Variants in SEMA3B observed in about 807,000 individuals in gnomAD.
SEMA3B encodes the protein semaphorin-3B.
In SEMA3B, 71 loss-of-function variants were observed where a neutral mutation model predicts 77.8. That is an observed-to-expected ratio of 0.91 (90% confidence interval 0.75 to 1.11). The LOEUF is 1.11. Among genes scored for constraint, SEMA3B ranks in the 50% most tolerant of loss-of-function variants. The pLI is 0.00. For synonymous variants in SEMA3B, 470 were observed against 452.9 expected (o/e 1.04, Z -0.48); for missense variants, 968 against 1,056.8 (o/e 0.92, Z 1.17).
At position 50,270,675 on chromosome 3, in the gene SEMA3B, C is replaced by T; in HGVS notation, c.330+180C>T. On this transcript the variant is annotated intron_variant, in intron 3 of 16. Transcript: ENST00000616701. This position sits in a 1 kb window ranked among gnomAD's most constrained non-coding sequence, Gnocchi z 4.7. ...CTCGTGTAATTCTTCTGGGGTGCCTCTGAGTCATGGGAGGCTTTGCAGGCC... is the reference window on the plus strand; with the variant it reads ...CTCGTGTAATTCTTCTGGGGTGCCTTTGAGTCATGGGAGGCTTTGCAGGCC... The T allele has an allele frequency of 1.7e-6, 2 of 1,154,640 alleles. No homozygotes were observed. The highest frequency in any genetic ancestry group is 2.4e-6 in the Non-Finnish European group (2 of 828,384). The allele number at this position is 1,154,640 out of a possible 1,614,324, so 71.5% of individuals were successfully genotyped here.
At position 50,276,088 on chromosome 3, in the gene SEMA3B, C is replaced by A. The variant is rs1445498792; in HGVS notation, c.1846-214C>A. On this transcript the variant is annotated intron_variant, in intron 16 of 16. Transcript: ENST00000616701. The surrounding 1 kb of genome is among the most constrained non-coding windows in gnomAD (Gnocchi z 5.8). ...CCTCCCATTAAGGTCCCTGACCACC[C>A]CCCACCAAGTTCATGTAAACCCCGC... is the stretch of plus-strand genomic sequence containing the variant. The A allele has an allele frequency of 2.5e-6, 2 of 787,244 alleles. No individual in the cohort carries two copies. The highest frequency in any genetic ancestry group is 1.9e-6 in the Non-Finnish European group (1 of 516,922). 48.8% of individuals were successfully genotyped at this position (787,244 alleles called of 1,614,324 possible). A position where few individuals can be genotyped will look rare whatever the true frequency, so the allele number is the denominator to read the frequency against.
chr3:50,275,172 G>A lies in SEMA3B; in HGVS notation c.1491+119G>A. 6.8e-7 allele frequency: 1 copy of A among 1,462,082 alleles called. No individual in the cohort carries two copies. The highest frequency in any genetic ancestry group is 9.1e-7 in the Non-Finnish European group (1 of 1,100,540). The allele number at this position is 1,462,082 out of a possible 1,614,324, so 90.6% of individuals were successfully genotyped here. Reference sequence around the variant, plus strand: ...GGGTTTGAGTACAGGCTCTGGCTTTGTTAGACTGTGTGACCTGAGGCGTAA... The same window carrying A: ...GGGTTTGAGTACAGGCTCTGGCTTTATTAGACTGTGTGACCTGAGGCGTAA... On this transcript the variant is annotated intron_variant, in intron 13 of 16. Transcript: ENST00000616701. The surrounding 1 kb of genome is among the most constrained non-coding windows in gnomAD (Gnocchi z 7.5).
At chr3:50,271,578 A>C in intron 6 of SEMA3B, 98 bp downstream of exon 6, 1 of 1,500,974 alleles carries the variant, frequency 6.7e-7, no homozygotes, top group South Asian at 1.3e-5. Flanking sequence ...GGGTGTGGCC[A>C]GGTCTTACCA....
rs1272503491 is a variant in SEMA3B, at chr3:50,270,222, G to A, written c.205G>A (p.Val69Met). ...GGATGAGGAGCGTGGACGCCTGTTT[G>A]TGGGTGCCGAGAACCATGTGGCCTC... ...LVDEERGRLF[V>M]GAENHVASLN... The change falls in exon 2 of 17, where the codon GTG (valine) becomes ATG (methionine). Residue 69 changes from valine to methionine, a missense_variant. By Grantham distance (21) the Val-to-Met change is conservative. Coordinates refer to ENST00000616701, the MANE Select transcript of SEMA3B (RefSeq NM_001290060.2). The surrounding 1 kb of genome is among the most constrained non-coding windows in gnomAD (Gnocchi z 4.7). The A allele has an allele frequency of 2.5e-6, 4 of 1,611,738 alleles. No homozygotes were observed. The highest frequency in any genetic ancestry group is 3.4e-6 in the Non-Finnish European group (4 of 1,179,308).
At position 50,269,496 on chromosome 3, in the gene SEMA3B, C is replaced by G. The variant is rs1700986326; in HGVS notation, c.109+147C>G. Reference sequence around the variant, plus strand: ...GGATTAGTGGGCACTCTCAGGCCACCTCCAGTTAACCCTGTCCGGGCCTCA... The same window carrying G: ...GGATTAGTGGGCACTCTCAGGCCACGTCCAGTTAACCCTGTCCGGGCCTCA... On this transcript the variant is annotated intron_variant, in intron 1 of 16. Transcript: ENST00000616701. The surrounding 1 kb of genome is among the most constrained non-coding windows in gnomAD (Gnocchi z 4.0). 1 of 594,128 alleles carries G rather than the reference C, an allele frequency of 1.7e-6. No homozygotes were observed. Among genetic ancestry groups the G allele is most frequent in the Non-Finnish European group, 3.0e-6 (1 of 338,476 alleles). The allele number at this position is 594,128 out of a possible 1,614,324, so 36.8% of individuals were successfully genotyped here.
In SEMA3B at chr3:50,269,961, C is replaced by T. The variant is rs1701000514; in HGVS notation, c.110-166C>T. 6.6e-6 allele frequency among the ~76,000 whole-genome samples: 1 copy of T among 152,196 alleles called. No individual in the cohort carries two copies. The highest frequency in any genetic ancestry group is 1.5e-5 in the Non-Finnish European group (1 of 68,038). On this transcript the variant is annotated intron_variant, in intron 1 of 16. Coordinates refer to ENST00000616701, the MANE Select transcript of SEMA3B (RefSeq NM_001290060.2). This position sits in a 1 kb window ranked among gnomAD's most constrained non-coding sequence, Gnocchi z 4.0. ...CTACCCTGGCAGCTCCACACGTGCA[C>T]CTGGGTGGGCTTGGGTTTGCGTGTG...
Position 50,275,147 on chromosome 3 carries a change from G to A in SEMA3B, c.1491+94G>A. 2 of 1,483,786 alleles carry A rather than the reference G, an allele frequency of 1.3e-6. No individual in the cohort carries two copies. The highest frequency in any genetic ancestry group is 1.8e-6 in the Non-Finnish European group (2 of 1,112,934). 91.9% of individuals were successfully genotyped at this position (1,483,786 alleles called of 1,614,324 possible). ...GCCCCTTTTGGTAGTTTGCAGTCCCGGGTTTGAGTACAGGCTCTGGCTTTG... is the reference window on the plus strand; with the variant it reads ...GCCCCTTTTGGTAGTTTGCAGTCCCAGGTTTGAGTACAGGCTCTGGCTTTG... On this transcript the variant is annotated intron_variant, in intron 13 of 16. Coordinates refer to ENST00000616701, the MANE Select transcript of SEMA3B (RefSeq NM_001290060.2). The surrounding 1 kb of genome is among the most constrained non-coding windows in gnomAD (Gnocchi z 7.5).
upstream of SEMA3B, among the ~76,000 whole-genome samples, chr3:50,267,936 C>T (rs1312129479): frequency 6.6e-6 from 1 of 152,172 alleles, no homozygotes; most frequent in Non-Finnish European, 1.5e-5. The surrounding 1 kb of genome is among the most constrained non-coding windows in gnomAD (Gnocchi z 5.7). Context: ...CTGTGTCCAG[C>T]ACCTGCCCAG....
chr3:50,269,997 C>A lies in SEMA3B; in HGVS notation c.110-130C>A. 1 of 1,005,136 alleles carries A rather than the reference C, an allele frequency of 9.9e-7. No homozygotes were observed. The highest frequency in any genetic ancestry group is 1.4e-6 in the Non-Finnish European group (1 of 720,044). 62.3% of individuals were successfully genotyped at this position (1,005,136 alleles called of 1,614,324 possible). On this transcript the variant is annotated intron_variant, in intron 1 of 16. Coordinates refer to ENST00000616701, the MANE Select transcript of SEMA3B (RefSeq NM_001290060.2). The surrounding 1 kb of genome is among the most constrained non-coding windows in gnomAD (Gnocchi z 4.0). ...TTGGGTTTGCGTGTGTAAACTCACA[C>A]ACATGTAAACTCACATGTGTACAGG...
chr3:50,262,158 G>C, the SEMA3B span: 1 of 152,200 alleles, frequency 6.6e-6, no homozygotes, highest in Non-Finnish European at 1.5e-5. Flanking sequence ...AGCTGGGCAT[G>C]ATGACGGGTG....
chr3:50,264,960 A>C (rs2109229305), upstream of SEMA3B, among the ~76,000 whole-genome samples: 1 of 152,110 alleles, frequency 6.6e-6, no homozygotes, highest in East Asian at 1.9e-4. Context: ...CCACAGCCAA[A>C]GGCCCAGGGT....
upstream of SEMA3B, among the ~76,000 whole-genome samples, chr3:50,265,266 C>T (rs954538248): frequency 1.2e-4 from 19 of 152,200 alleles, no homozygotes; most frequent in Non-Finnish European, 2.5e-4. Flanking sequence ...CTGGTACCTA[C>T]GTGGCCAGAA....
rs1234788833 is a variant in SEMA3B at position 50,270,371 on chromosome 3, C to T, written c.268-62C>T. The T allele has an allele frequency of 3.1e-6, 5 of 1,610,636 alleles. No homozygotes were observed. Among genetic ancestry groups the T allele is most frequent in the Non-Finnish European group, 4.2e-6 (5 of 1,177,380 alleles). ...CTGGAGAGACCCAGAGGAATGGCTC[C>T]CTGAGGTAGAGAATATCCCAAGTTC... On this transcript the variant is annotated intron_variant, in intron 2 of 16. Coordinates refer to ENST00000616701, the MANE Select transcript of SEMA3B (RefSeq NM_001290060.2). The surrounding 1 kb of genome is among the most constrained non-coding windows in gnomAD (Gnocchi z 4.7).
At position 50,273,720 on chromosome 3, in the gene SEMA3B, G is replaced by A. The variant is rs142858540; in HGVS notation, c.923-39G>A. ...ACTCCGGGAGCCCCCGCCGCAGCGG[G>A]GCTGTGCGCCCTACCCCAGCTAGGC... On this transcript the variant is annotated intron_variant, in intron 8 of 16. Coordinates refer to ENST00000616701, the MANE Select transcript of SEMA3B (RefSeq NM_001290060.2). This position sits in a 1 kb window ranked among gnomAD's most constrained non-coding sequence, Gnocchi z 6.5. 479 of 1,604,332 alleles carry A rather than the reference G, an allele frequency of 3.0e-4. No homozygotes were observed. The highest frequency in any genetic ancestry group is 4.0e-4 in the Non-Finnish European group (471 of 1,178,824).
rs1553705791 is a variant in SEMA3B, at chr3:50,273,477, G to A, written c.810+34G>A. Reference sequence around the variant, plus strand: ...TCCCTGGGCCACACCCGGCGACCCTGCCCCTACCCCTTTGCCTGCCCTGGT... The same window carrying A: ...TCCCTGGGCCACACCCGGCGACCCTACCCCTACCCCTTTGCCTGCCCTGGT... On this transcript the variant is annotated intron_variant, in intron 7 of 16. Coordinates refer to ENST00000616701, the MANE Select transcript of SEMA3B (RefSeq NM_001290060.2). This position sits in a 1 kb window ranked among gnomAD's most constrained non-coding sequence, Gnocchi z 6.5. 1.2e-6 allele frequency: 2 copies of A among 1,610,462 alleles called. No homozygotes were observed. Among genetic ancestry groups the A allele is most frequent in the Admixed American group, 1.7e-5 (1 of 59,912 alleles).
At chr3:50,266,183 TG>T (rs1221558465), upstream of SEMA3B, among the ~76,000 whole-genome samples, 3 of 152,166 alleles carry the variant, frequency 2.0e-5, no homozygotes, top group Non-Finnish European at 4.4e-5. Context: ...AGGCACTTGC[TG>T]ATCCTGGCTG....
In SEMA3B at chr3:50,274,103, A is replaced by G. The variant is rs782571005; in HGVS notation, c.1137+46A>G. The G allele has an allele frequency of 1.3e-6, 2 of 1,589,926 alleles. No individual in the cohort carries two copies. The highest frequency in any genetic ancestry group is 2.3e-5 in the South Asian group (2 of 88,114). On this transcript the variant is annotated intron_variant, in intron 10 of 16. Transcript: ENST00000616701. This position sits in a 1 kb window ranked among gnomAD's most constrained non-coding sequence, Gnocchi z 4.7. ...TGCTACAACCCACTTCAAAGCCTCA[A>G]GGGTTTGAGAACTTGGCCTGGGGTC...
rs1575467379 is a variant in SEMA3B at position 50,270,608 on chromosome 3, T to G, written c.330+113T>G. The G allele has an allele frequency of 1.4e-6, 2 of 1,454,194 alleles. No individual in the cohort carries two copies. Among genetic ancestry groups the G allele is most frequent in the Non-Finnish European group, 1.9e-6 (2 of 1,062,628 alleles). 90.1% of individuals were successfully genotyped at this position (1,454,194 alleles called of 1,614,324 possible). ...TCTGGCTGGGATGAGGGCAGGGAGG[T>G]CGAGGTGGCTGAGGTCTGGGGGTGG... On this transcript the variant is annotated intron_variant, in intron 3 of 16. Transcript: ENST00000616701. This position sits in a 1 kb window ranked among gnomAD's most constrained non-coding sequence, Gnocchi z 4.7.
rs1553705685 is a variant in SEMA3B, at chr3:50,273,233, C to A, written c.665-65C>A. 1.3e-6 allele frequency: 2 copies of A among 1,549,110 alleles called. No individual in the cohort carries two copies. Among genetic ancestry groups the A allele is most frequent in the African/African-American group, 2.7e-5 (2 of 73,212 alleles). ...CCCGCACTACGGGAAGGGGAAGCAG[C>A]GCGTGGGTCTCGCATCAGGAGGCAA... On this transcript the variant is annotated intron_variant, in intron 6 of 16. Coordinates refer to ENST00000616701, the MANE Select transcript of SEMA3B (RefSeq NM_001290060.2). This position sits in a 1 kb window ranked among gnomAD's most constrained non-coding sequence, Gnocchi z 6.5.
Sources: allele counts gnomAD v4.1 joint callset (sites outside exome capture counted in the v4.1 genomes callset), GRCh38; gene constraint gnomAD v4.1.1; non-coding constraint Gnocchi (gnomAD v3.1); transcripts MANE v1.5; gene names NCBI Gene and HGNC (gene_info 2026-07-23, HGNC 2026-07-21).